CSMD3: variants seen among roughly 807,000 people sequenced by gnomAD.
CSMD3 encodes the protein CUB and sushi domain-containing protein 3.
Under a neutral mutation model 435.2 loss-of-function variants are expected in CSMD3, and 177 were observed. That is an observed-to-expected ratio of 0.41 (90% confidence interval 0.36 to 0.46). The LOEUF (loss-of-function observed/expected upper bound fraction) is 0.46, where lower values mean the gene tolerates loss of function less well. Ranked by LOEUF, CSMD3 falls within the 20% of genes least tolerant of loss-of-function variation. CSMD3 has a pLI of 0.34. For synonymous variants in CSMD3, 1,656 were observed against 1,520.5 expected, an observed-to-expected ratio of 1.09 and a Z score of -2.07; for missense variants, 4,265 against 4,504.6, an observed-to-expected ratio of 0.95 and a Z score of 1.52.
rs1828686629 is a variant in CSMD3 at position 112,373,834 on chromosome 8, G to A, written c.6136+6518C>T. On this transcript the variant is annotated intron_variant, in intron 38 of 70. Coordinates refer to ENST00000297405, the MANE Select transcript of CSMD3 (RefSeq NM_198123.2). Reference sequence around the variant, plus strand: ...TTGGGTAGAGGGCACTGTATTCGCTGGAGTTTCTGGGAGTAATAGTCTCCA... The same window carrying A: ...TTGGGTAGAGGGCACTGTATTCGCTAGAGTTTCTGGGAGTAATAGTCTCCA... 2.0e-5 allele frequency among the ~76,000 whole-genome samples: 3 copies of A among 152,232 alleles called. No individual in the cohort carries two copies. In the South Asian group the frequency reaches 6.2e-4, roughly 32 times the overall value.
chr8:112,775,474 A>G (rs2132218794), intron 13 of CSMD3, among the ~76,000 whole-genome samples: 1 of 151,982 alleles, frequency 6.6e-6, no homozygotes. Flanking sequence ...ATAATTTATA[A>G]ATTAAGTTTC....
intron 7 of CSMD3, among the ~76,000 whole-genome samples, chr8:112,959,132 T>C (rs2084138200): frequency 6.6e-6 from 1 of 152,116 alleles, no homozygotes. Flanking sequence ...AAATATGTAA[T>C]ATGCAGAACA....
intron 27 of CSMD3, among the ~76,000 whole-genome samples, chr8:112,535,888 CT>C (rs1285368227): frequency 6.6e-6 from 1 of 152,114 alleles, no homozygotes. Flanking sequence ...ACTATCTGAT[CT>C]TTGACAAACC....
rs759521234 is a variant in CSMD3 at position 112,506,873 on chromosome 8, C to T, written c.4757-44G>A. On this transcript the variant is annotated intron_variant, in intron 28 of 70. Coordinates refer to ENST00000297405, the MANE Select transcript of CSMD3 (RefSeq NM_198123.2). ...AATAAAATCTCTTTAAACATTAATA[C>T]AATTTATTAGCTATCAATATTTTTG... 3 of 1,522,824 alleles carry T rather than the reference C, an allele frequency of 2.0e-6. No individual in the cohort carries two copies. The South Asian group carries it at 3.5e-5, about 18-fold the overall frequency. 94.3% of individuals were successfully genotyped at this position (1,522,824 alleles called of 1,614,324 possible).
At position 113,295,630 on chromosome 8, in the gene CSMD3, G is replaced by A. The variant is rs576358964; in HGVS notation, c.402-16926C>T. Among the ~76,000 whole-genome samples, 11 of 152,240 alleles carry A rather than the reference G, an allele frequency of 7.2e-5. 2 individuals are homozygous for A. In the South Asian group the frequency reaches 1.9e-3, roughly 26 times the overall value. On this transcript the variant is annotated intron_variant, in intron 2 of 70. Coordinates refer to ENST00000297405, the MANE Select transcript of CSMD3 (RefSeq NM_198123.2). ...AACTAGGGCCAGCATGTTAGCTCAC[G>A]CCTCTAATCCTCGCACTTTGCAAGG... is the stretch of plus-strand genomic sequence containing the variant.
At chr8:112,452,735 TTTAA>T (rs1483827244) in intron 32 of CSMD3, among the ~76,000 whole-genome samples, 6 of 152,192 alleles carry the variant, frequency 3.9e-5, no homozygotes, top group African/African-American at 1.4e-4. Context: ...GCATTTTTTC[TTTAA>T]TTACTGAATT....
chr8:113,349,854 C>T (rs1036234177), intron 1 of CSMD3, among the ~76,000 whole-genome samples: 32 of 151,962 alleles, frequency 2.1e-4, no homozygotes, highest in Admixed American at 1.3e-3. Context: ...TCACTCCCCC[C>T]GTTAAGATAT....
At chr8:113,232,822 A>G (rs1277302289) in intron 3 of CSMD3, among the ~76,000 whole-genome samples, 2 of 151,796 alleles carry the variant, frequency 1.3e-5, no homozygotes, top group Admixed American at 6.6e-5. Context: ...AGAAAAAAAG[A>G]GGAAACAGTC....
At chr8:112,493,468 G>C (rs1288533837) in intron 30 of CSMD3, among the ~76,000 whole-genome samples, 1 of 151,956 alleles carries the variant, frequency 6.6e-6, no homozygotes, top group Non-Finnish European at 1.5e-5. Context: ...GGCCCTATTT[G>C]TCTGCCCTGC....
intron 3 of CSMD3, among the ~76,000 whole-genome samples, chr8:113,271,389 G>T (rs1009762013): frequency 1.3e-5 from 2 of 152,022 alleles, no homozygotes; most frequent in Admixed American, 1.3e-4. Flanking sequence ...TGGGCCCAGG[G>T]TCCTCATGCT....
At chr8:112,859,037 A>T (rs1001149720) in intron 11 of CSMD3, 108 bp downstream of exon 11, 1 of 1,052,224 alleles carries the variant, frequency 9.5e-7, no homozygotes, top group Non-Finnish European at 1.4e-6. Flanking sequence ...TTGCGCCAAA[A>T]TCCTACTTGA....
chr8:112,892,213 G>A (rs563942235), intron 10 of CSMD3, among the ~76,000 whole-genome samples: 2 of 151,386 alleles, frequency 1.3e-5, no homozygotes, highest in African/African-American at 2.4e-5. Flanking sequence ...TGTGATCACA[G>A]GCCAAGAATG....
intron 1 of CSMD3, among the ~76,000 whole-genome samples, chr8:113,340,087 G>T (rs2094107822): frequency 6.6e-6 from 1 of 151,764 alleles, no homozygotes; most frequent in Non-Finnish European, 1.5e-5. Flanking sequence ...ATTTATATAT[G>T]TGTTATGTGT....
chr8:112,613,887 C>A (rs1055820243), intron 22 of CSMD3, among the ~76,000 whole-genome samples: 1 of 152,078 alleles, frequency 6.6e-6, no homozygotes, highest in Non-Finnish European at 1.5e-5. Context: ...CTTTGGGAGT[C>A]CAAGGTCGGA....
chr8:112,600,285 C>T (rs745793948), intron 22 of CSMD3, among the ~76,000 whole-genome samples: 40 of 151,940 alleles, frequency 2.6e-4, no homozygotes, highest in Admixed American at 7.2e-4. Flanking sequence ...AAATAAATGG[C>T]TCTTTATTTA....
At chr8:112,694,212 A>G (rs1446355883) in intron 13 of CSMD3, among the ~76,000 whole-genome samples, 1 of 152,044 alleles carries the variant, frequency 6.6e-6, no homozygotes, top group East Asian at 1.9e-4. Context: ...CTTTATTCTA[A>G]TGCAGCATAT....
chr8:112,920,341 G>A (rs2082697172), intron 10 of CSMD3, among the ~76,000 whole-genome samples: 2 of 151,804 alleles, frequency 1.3e-5, no homozygotes, highest in South Asian at 2.1e-4. Flanking sequence ...AAAAAGGTAA[G>A]CAAGTGGAAT....
At chr8:113,255,504 T>A (rs2093372248) in intron 3 of CSMD3, among the ~76,000 whole-genome samples, 1 of 152,048 alleles carries the variant, frequency 6.6e-6, no homozygotes, top group Non-Finnish European at 1.5e-5. Context: ...CAGTTTTATA[T>A]TTGAGTATAT....
At chr8:112,892,032 A>G (rs1372249803) in intron 10 of CSMD3, among the ~76,000 whole-genome samples, 2 of 151,628 alleles carry the variant, frequency 1.3e-5, no homozygotes, top group African/African-American at 4.8e-5. Flanking sequence ...TTTATTAAAT[A>G]TGAATGAATA....
Sources: gnomAD v4.1 joint callset for allele counts (sites outside exome capture counted in the v4.1 genomes callset) on GRCh38, gnomAD v4.1.1 for gene constraint, MANE v1.5 for transcripts, NCBI Gene and HGNC (gene_info 2026-07-23, HGNC 2026-07-21) for gene names.